KIF18A: variants seen among roughly 807,000 people sequenced by gnomAD.
KIF18A encodes the protein kinesin-like protein KIF18A.
Under a neutral mutation model 103.3 loss-of-function variants are expected in KIF18A, and 67 were observed. That is an observed-to-expected ratio of 0.65 (90% CI 0.53 to 0.79). KIF18A has a LOEUF of 0.79. Ranked by LOEUF, KIF18A falls within the 30% of genes least tolerant of loss-of-function variation. The probability of loss-of-function intolerance (pLI) is 0.00; values close to 1 mark genes in which losing one functional copy is unlikely to be tolerated. For synonymous variants in KIF18A, 367 were observed against 355.5 expected (o/e 1.03, Z -0.36); for missense variants, 1,032 against 1,062.5 (o/e 0.97, Z 0.40).
At chr11:28,048,805 T>C (rs192098986) in intron 13 of KIF18A, among the ~76,000 whole-genome samples, 1 of 152,228 alleles carries the variant, frequency 6.6e-6, no homozygotes, top group East Asian at 1.9e-4. Context: ...AGTATCTGAA[T>C]TGGACTCTCA....
intron 12 of KIF18A, among the ~76,000 whole-genome samples, chr11:28,059,598 T>C (rs1248653261): frequency 1.3e-5 from 2 of 151,988 alleles, no homozygotes; most frequent in Non-Finnish European, 2.9e-5. Flanking sequence ...CACTGACTAA[T>C]TTTTTTATTT....
Position 28,061,737 on chromosome 11 carries a change from A to G in KIF18A, c.1712+658T>C, listed in dbSNP as rs997930933. On this transcript the variant is annotated intron_variant, in intron 12 of 16. Coordinates refer to ENST00000263181, the MANE Select transcript of KIF18A (RefSeq NM_031217.4). The stretch of plus-strand genomic sequence containing the variant: ...ATTTGAGCATACCAGTAGAACATGA[A>G]TAGATTCTTAGAGTAGCAGAAAGCA... Among the ~76,000 whole-genome samples the G allele has an allele frequency of 4.6e-5, 7 of 152,146 alleles. 1 individual carries two copies. The highest frequency in any genetic ancestry group is 1.4e-4 in the African/African-American group (6 of 41,436).
chr11:28,072,816 T>C (rs1004729555), intron 10 of KIF18A, among the ~76,000 whole-genome samples: 2 of 151,354 alleles, frequency 1.3e-5, no homozygotes, highest in African/African-American at 2.4e-5. Flanking sequence ...TCTATTACTC[T>C]ATGTCTTAAT....
chr11:28,021,238 T>C lies in KIF18A; in HGVS notation c.2659A>G (p.Lys887Glu). The C allele has an allele frequency of 6.7e-7, 1 of 1,502,548 alleles. No individual in the cohort carries two copies. The highest frequency in any genetic ancestry group is 8.9e-7 in the Non-Finnish European group (1 of 1,119,464). The allele number at this position is 1,502,548 out of a possible 1,614,324, so 93.1% of individuals were successfully genotyped here. A position where few individuals can be genotyped will look rare whatever the true frequency, so the allele number is the denominator to read the frequency against. ...ICKINPSMVRKFGRNISKGNL... is the reference protein window; with the variant it reads ...ICKINPSMVREFGRNISKGNL... Reference sequence around the variant, plus strand: ...CCTTTTGAAATATTTCTTCCAAATTTTCTAACCATGCTTGGATTTATTTTA... The same window carrying C: ...CCTTTTGAAATATTTCTTCCAAATTCTCTAACCATGCTTGGATTTATTTTA... The change falls in exon 17 of 17, where the codon AAA becomes GAA. Residue 887 changes from lysine (K) to glutamate (E), a missense_variant. By Grantham distance (56) the Lys-to-Glu change is moderately conservative (BLOSUM62 1). Coordinates refer to ENST00000263181, the MANE Select transcript of KIF18A (RefSeq NM_031217.4).
chr11:28,085,228 GGAAGACACCCATTACTTA>G, intron 6 of KIF18A, among the ~76,000 whole-genome samples: 1 of 152,148 alleles, frequency 6.6e-6, no homozygotes, highest in East Asian at 1.9e-4. Context: ...CCAGTGTCTG[GGAAGACACCCATTACTTA>G]GAAGACCGCG....
rs780964553 is a variant in KIF18A at position 28,082,960 on chromosome 11, CA to C, written c.1157del (p.Leu386CysfsTer2). 7.0e-6 allele frequency: 11 copies of C among 1,569,916 alleles called. No individual in the cohort carries two copies. Among genetic ancestry groups the C allele is most frequent in the Non-Finnish European group, 9.5e-6 (11 of 1,152,484 alleles). Reference sequence around the variant, plus strand: ...CATAGGCTTTTAGTTTTTCTTTTAACAATAAAATCTAGTAGAGAGAAATCAC... The same window carrying C: ...CATAGGCTTTTAGTTTTTCTTTTAACATAAAATCTAGTAGAGAGAAATCAC... ...ICNEQKAEILLLKEKLKAYEE... is the reference protein window; with the variant it reads ...ICNEQKAEILXLKEKLKAYEE... On this transcript the variant is annotated frameshift_variant, in exon 9 of 17. Coordinates refer to ENST00000263181, the MANE Select transcript of KIF18A (RefSeq NM_031217.4). LOFTEE classifies it high-confidence loss of function.
chr11:28,023,131 T>G (rs1004438792), intron 16 of KIF18A, among the ~76,000 whole-genome samples: 4 of 152,188 alleles, frequency 2.6e-5, no homozygotes, highest in African/African-American at 9.6e-5. Context: ...GCCTGAAAAC[T>G]GGCTGGCATG....
intron 7 of KIF18A, 23 bp from the exon 8 acceptor site, chr11:28,083,266 A>G: frequency 6.5e-7 from 1 of 1,545,532 alleles, no homozygotes; most frequent in Non-Finnish European, 8.6e-7. Flanking sequence ...AGAAATTATG[A>G]TTGTTTATAG....
At chr11:28,076,935 GAAAAA>G in intron 10 of KIF18A, 67 bp downstream of exon 10, 117 of 292,892 alleles carry the variant, frequency 4.0e-4, no homozygotes, top group East Asian at 1.6e-3. Flanking sequence ...GACTCCTTCT[GAAAAA>G]AAAAAAAAAA....
intron 13 of KIF18A, among the ~76,000 whole-genome samples, chr11:28,053,161 G>A (rs1590679597): frequency 6.6e-6 from 1 of 152,086 alleles, no homozygotes; most frequent in Non-Finnish European, 1.5e-5. Context: ...ACAAATCATA[G>A]AAACAAATAA....
chr11:28,084,870 C>A, intron 6 of KIF18A, 62 bp from the exon 7 acceptor site: 1 of 1,292,166 alleles, frequency 7.7e-7, no homozygotes, highest in Non-Finnish European at 1.1e-6. Flanking sequence ...CCTGCTACCA[C>A]TTTAGCACTT....
At chr11:28,094,834 T>C (rs756452787) in intron 2 of KIF18A, 34 bp from the exon 3 acceptor site, 18 of 1,592,000 alleles carry the variant, frequency 1.1e-5, no homozygotes, top group Non-Finnish European at 1.5e-5. Context: ...AAACTCTTTG[T>C]TATGAAATAT....
chr11:28,031,770 A>G (rs981339086), intron 15 of KIF18A, among the ~76,000 whole-genome samples: 1 of 151,974 alleles, frequency 6.6e-6, no homozygotes, highest in Non-Finnish European at 1.5e-5. Context: ...AGCTGGTACT[A>G]TCCTGAATGC....
intron 11 of KIF18A, among the ~76,000 whole-genome samples, chr11:28,068,979 C>A (rs1039839281): frequency 2.0e-5 from 3 of 152,156 alleles, no homozygotes; most frequent in African/African-American, 4.8e-5. Context: ...ATGTTGACCT[C>A]ATTTAAACTA....
chr11:28,031,482 G>C lies in KIF18A; in HGVS notation c.2504+3905C>G, dbSNP rs555562015. On this transcript the variant is annotated intron_variant, in intron 15 of 16. Coordinates refer to ENST00000263181, the MANE Select transcript of KIF18A (RefSeq NM_031217.4). ...CACTCATAGGTGGGAACTGAACAAT[G>C]AGAACACATGGACACAGGAAGGTGA... Among the ~76,000 whole-genome samples, 16 of 152,214 alleles carry C rather than the reference G, an allele frequency of 1.1e-4. No individual in the cohort carries two copies. In the South Asian group the frequency reaches 3.3e-3, roughly 32 times the overall value.
intron 15 of KIF18A, among the ~76,000 whole-genome samples, chr11:28,026,495 C>T (rs1850323383): frequency 6.6e-6 from 1 of 151,548 alleles, no homozygotes; most frequent in Non-Finnish European, 1.5e-5. Flanking sequence ...ATTACTGGTA[C>T]CAGAGGGAAT....
chr11:28,050,828 A>G (rs1565076206), intron 13 of KIF18A, among the ~76,000 whole-genome samples: 1 of 151,856 alleles, frequency 6.6e-6, no homozygotes. Flanking sequence ...TAGTCAATAC[A>G]CTTGTAGTTT....
chr11:28,076,722 T>A (rs761653044), intron 10 of KIF18A: 13 of 168,118 alleles, frequency 7.7e-5, no homozygotes, highest in Non-Finnish European at 1.0e-4. Context: ...TCACCTGAAG[T>A]CAGGAGTTCA....
intron 13 of KIF18A, among the ~76,000 whole-genome samples, chr11:28,052,171 C>T (rs923625851): frequency 1.3e-5 from 2 of 152,036 alleles, no homozygotes; most frequent in African/African-American, 4.8e-5. Flanking sequence ...TATTCTAGTG[C>T]CTCCTCATGT....
Sources: allele counts gnomAD v4.1 joint callset (sites outside exome capture counted in the v4.1 genomes callset), GRCh38; gene constraint gnomAD v4.1.1; transcripts MANE v1.5; gene names NCBI Gene and HGNC (gene_info 2026-07-23, HGNC 2026-07-21).